CCSER1: variants seen among roughly 807,000 people sequenced by gnomAD.
The protein encoded by CCSER1 is serine-rich coiled-coil domain-containing protein 1.
In CCSER1, 41 loss-of-function variants were observed where a neutral mutation model predicts 82.0. That is an observed-to-expected ratio of 0.50 (90% CI 0.39 to 0.65). The LOEUF (loss-of-function observed/expected upper bound fraction) is 0.65, where lower values mean the gene tolerates loss of function less well. Among genes scored for constraint, CCSER1 ranks in the 30% least tolerant of loss-of-function variants. The probability of loss-of-function intolerance (pLI) is 0.00; values close to 1 mark genes in which losing one functional copy is unlikely to be tolerated. For synonymous variants in CCSER1, 414 were observed against 383.9 expected (o/e 1.08, Z -0.92); for missense variants, 1,119 against 1,064.2 (o/e 1.05, Z -0.72).
intron 10 of CCSER1, among the ~76,000 whole-genome samples, chr4:91,180,441 G>A (rs564824889): frequency 6.6e-6 from 1 of 152,356 alleles, no homozygotes; most frequent in Non-Finnish European, 1.5e-5. Flanking sequence ...GCCTTCTTGA[G>A]CTGTGGTGGG....
At chr4:90,317,011 C>A (rs1477842713) in intron 3 of CCSER1, among the ~76,000 whole-genome samples, 1 of 152,052 alleles carries the variant, frequency 6.6e-6, no homozygotes, top group East Asian at 1.9e-4. Context: ...GAATACATTT[C>A]TTGCGATTGT....
At chr4:90,383,032 T>C (rs1247580103) in intron 3 of CCSER1, among the ~76,000 whole-genome samples, 1 of 152,130 alleles carries the variant, frequency 6.6e-6, no homozygotes. Context: ...GGGTGAGTAA[T>C]ACACCATAGC....
At chr4:90,887,281 T>C (rs1016564710) in intron 8 of CCSER1, among the ~76,000 whole-genome samples, 10 of 152,038 alleles carry the variant, frequency 6.6e-5, no homozygotes, top group African/African-American at 2.4e-4. Context: ...GAGAAGAGTG[T>C]GGGGAGAGAG....
intron 9 of CCSER1, among the ~76,000 whole-genome samples, chr4:90,937,118 A>G (rs1731036686): frequency 6.6e-6 from 1 of 152,156 alleles, no homozygotes; most frequent in East Asian, 1.9e-4. Flanking sequence ...AGAATTTCAC[A>G]CCGTATTAAG....
intron 5 of CCSER1, among the ~76,000 whole-genome samples, chr4:90,604,951 A>C (rs1325494820): frequency 6.6e-6 from 1 of 152,172 alleles, no homozygotes; most frequent in Non-Finnish European, 1.5e-5. Flanking sequence ...GGGGTCAGAT[A>C]AGGGAATAAA....
chr4:91,322,877 A>G (rs982144579), intron 10 of CCSER1, among the ~76,000 whole-genome samples: 1 of 152,130 alleles, frequency 6.6e-6, no homozygotes, highest in Non-Finnish European at 1.5e-5. Context: ...TTGATCAAAT[A>G]GACTGTAAGG....
intron 1 of CCSER1, among the ~76,000 whole-genome samples, chr4:90,277,681 A>G (rs1728087815): frequency 6.6e-6 from 1 of 152,122 alleles, no homozygotes; most frequent in Non-Finnish European, 1.5e-5. Flanking sequence ...AGTTAACACA[A>G]GATGGATTAA....
chr4:90,281,291 T>C (rs1728806736), intron 1 of CCSER1, among the ~76,000 whole-genome samples: 1 of 151,954 alleles, frequency 6.6e-6, no homozygotes, highest in African/African-American at 2.4e-5. Flanking sequence ...TTGGGGCCTA[T>C]TTAAAGATGG....
intron 10 of CCSER1, among the ~76,000 whole-genome samples, chr4:91,448,841 A>T (rs1401840134): frequency 6.6e-6 from 1 of 152,170 alleles, no homozygotes; most frequent in Non-Finnish European, 1.5e-5. Flanking sequence ...CTGCCCTTGC[A>T]GAACTTGCAT....
At chr4:90,514,961 G>A (rs1229181577) in intron 5 of CCSER1, among the ~76,000 whole-genome samples, 2 of 151,452 alleles carry the variant, frequency 1.3e-5, no homozygotes, top group East Asian at 2.0e-4. Context: ...AGGTTCAAGC[G>A]ATTTTCCTGC....
intron 1 of CCSER1, among the ~76,000 whole-genome samples, chr4:90,226,441 C>T (rs1348451318): frequency 1.3e-5 from 2 of 152,126 alleles, no homozygotes; most frequent in African/African-American, 4.8e-5. Flanking sequence ...GTTCTAGTTC[C>T]TCTAGGAAAG....
At chr4:90,359,466 G>A (rs955901344) in intron 3 of CCSER1, among the ~76,000 whole-genome samples, 1 of 151,988 alleles carries the variant, frequency 6.6e-6, no homozygotes, top group East Asian at 1.9e-4. Flanking sequence ...TGGGCAGGGC[G>A]CGGTGCCTCA....
At chr4:90,572,395 TTACC>T (rs1459234353) in intron 5 of CCSER1, among the ~76,000 whole-genome samples, 1 of 152,150 alleles carries the variant, frequency 6.6e-6, no homozygotes, top group East Asian at 1.9e-4. Context: ...GGTTTGGAAA[TTACC>T]TACTACTATC....
chr4:90,961,592 A>G lies in CCSER1; in HGVS notation c.2172+38145A>G, dbSNP rs537521425. ...TCATTCATAAAGTACTGACACCTTA[A>G]GAATGGATTAGAGATCAGTGATAGA... On this transcript the variant is annotated intron_variant, in intron 9 of 10. Transcript: ENST00000509176. Among the ~76,000 whole-genome samples, 3 of 152,262 alleles carry G rather than the reference A, an allele frequency of 2.0e-5. No homozygotes were observed. In the South Asian group the frequency reaches 6.2e-4, roughly 32 times the overall value.
At chr4:90,430,044 C>T (rs186155736) in intron 4 of CCSER1, among the ~76,000 whole-genome samples, 6 of 151,728 alleles carry the variant, frequency 4.0e-5, no homozygotes, top group Admixed American at 1.3e-4. Context: ...ACTTTAAGTC[C>T]GCTCAAAAAT....
chr4:91,424,238 C>T (rs550857896), intron 10 of CCSER1, among the ~76,000 whole-genome samples: 11 of 150,960 alleles, frequency 7.3e-5, no homozygotes, highest in Admixed American at 3.3e-4. Context: ...AGGATGGTCT[C>T]GATCTCCTGA....
chr4:90,632,053 A>G (rs897730416), intron 6 of CCSER1, among the ~76,000 whole-genome samples: 1 of 152,154 alleles, frequency 6.6e-6, no homozygotes, highest in Non-Finnish European at 1.5e-5. Context: ...CTATCTTTCA[A>G]GTACTCTTAT....
rs574681457 is a variant in CCSER1 at position 90,827,897 on chromosome 4, TTA to T, written c.2094+12057_2094+12058del. 3.1e-3 allele frequency among the ~76,000 whole-genome samples: 479 copies of T among 152,094 alleles called. 3 individuals carry two copies. Among genetic ancestry groups the T allele is most frequent in the Admixed American group, 8.4e-3 (128 of 15,270 alleles). On this transcript the variant is annotated intron_variant, in intron 8 of 10. Transcript: ENST00000509176. ...TAAAACCAAGTGAGATTTATCATTC[TTA>T]TATACCCTGGTTATAGAGCCGAGGG...
Position 91,180,672 on chromosome 4 carries a change from G to A in CCSER1, c.2217+94678G>A, listed in dbSNP as rs555272871. On this transcript the variant is annotated intron_variant, in intron 10 of 10. Transcript: ENST00000509176. ...AGACCATTGGAAAAGTGCAGTATTA[G>A]GGTGTTAGTGTGCTGAGAGGAGCTC... Among the ~76,000 whole-genome samples the A allele has an allele frequency of 1.1e-4, 16 of 152,254 alleles. No individual in the cohort carries two copies. In the East Asian group the frequency reaches 2.9e-3, roughly 28 times the overall value.
Sources: allele counts gnomAD v4.1 joint callset (sites outside exome capture counted in the v4.1 genomes callset), GRCh38; gene constraint gnomAD v4.1.1; transcripts MANE v1.5; gene names NCBI Gene and HGNC (gene_info 2026-07-23, HGNC 2026-07-21).